Variants in PYGB observed in about 807,000 individuals in gnomAD.
The protein encoded by PYGB is glycogen phosphorylase B.
Under a neutral mutation model 94.3 loss-of-function variants are expected in PYGB, and 82 were observed. The observed-to-expected ratio is 0.87, with a 90% CI of 0.73 to 1.04. The LOEUF (loss-of-function observed/expected upper bound fraction) is 1.04, where lower values mean the gene tolerates loss of function less well. Ranked by LOEUF, PYGB falls within the 50% of genes least tolerant of loss-of-function variation. PYGB has a pLI of 0.00. For missense variants in PYGB, 1,132 were observed against 1,158.2 expected (o/e 0.98, Z 0.33); for synonymous variants, 488 against 479.1 (o/e 1.02, Z -0.24).
intron 2 of PYGB, among the ~76,000 whole-genome samples, chr20:25,266,297 A>C (rs1356971570): frequency 1.3e-5 from 2 of 152,052 alleles, no homozygotes; most frequent in Non-Finnish European, 2.9e-5. Flanking sequence ...AATTCAGTGG[A>C]GAACGATGTC....
At chr20:25,255,834 GGC>G (rs1382278539) in intron 1 of PYGB, among the ~76,000 whole-genome samples, 2 of 151,874 alleles carry the variant, frequency 1.3e-5, no homozygotes, top group Admixed American at 1.3e-4. Flanking sequence ...CCCGGGTTCA[GGC>G]GATTCTCCTG....
At chr20:25,268,168 C>CCCG (rs1555806077) in intron 2 of PYGB, among the ~76,000 whole-genome samples, 2 of 97,764 alleles carry the variant, frequency 2.0e-5, no homozygotes, top group African/African-American at 3.7e-5. Context: ...CCCGCCCCCC[C>CCCG]CCCATATCCA....
intron 1 of PYGB, among the ~76,000 whole-genome samples, chr20:25,250,197 C>T (rs1390039098): frequency 6.6e-6 from 1 of 152,338 alleles, no homozygotes; most frequent in East Asian, 1.9e-4. Flanking sequence ...GGACATAGCT[C>T]TGCCTTCACA....
chr20:25,267,053 T>G (rs1433795337), intron 2 of PYGB, among the ~76,000 whole-genome samples: 1 of 152,224 alleles, frequency 6.6e-6, no homozygotes, highest in East Asian at 1.9e-4. Context: ...CACAGCAGCA[T>G]TATTCATAAC....
At chr20:25,284,507 C>T (rs2088400490) in intron 14 of PYGB, among the ~76,000 whole-genome samples, 1 of 152,236 alleles carries the variant, frequency 6.6e-6, no homozygotes, top group Admixed American at 6.5e-5. Context: ...CATCACGGCT[C>T]ACTGCAGTCT....
intron 5 of PYGB, among the ~76,000 whole-genome samples, chr20:25,275,891 GGTGCGCCGCCTGT>G (rs1568690970): frequency 6.6e-6 from 1 of 152,224 alleles, no homozygotes; most frequent in African/African-American, 2.4e-5. Context: ...TGGTGGCCCC[GGTGCGCCGCCTGT>G]GTGGCTGTCA....
intron 2 of PYGB, among the ~76,000 whole-genome samples, chr20:25,267,348 G>T (rs1403078931): frequency 6.6e-6 from 1 of 152,188 alleles, no homozygotes; most frequent in Admixed American, 6.5e-5. Flanking sequence ...TGATGGTTTG[G>T]AATTAGTGGT....
chr20:25,280,141 A>C, intron 9 of PYGB, 125 bp from the exon 10 acceptor site: 1 of 1,166,752 alleles, frequency 8.6e-7, no homozygotes, highest in Non-Finnish European at 1.2e-6. Flanking sequence ...AGCAGAGGGG[A>C]CGGTGGCCCT....
At chr20:25,293,868 G>A (rs755916816) in intron 17 of PYGB, 29 of 447,058 alleles carry the variant, frequency 6.5e-5, no homozygotes, top group Non-Finnish European at 1.1e-4. Context: ...CACTAGGAAT[G>A]TGGCATCAGC....
rs1348663172 is a variant in PYGB, at chr20:25,249,718, CAT to C, written c.243+1299_243+1300del. ...GGCTCTTCATATTTGGTATGCAAAA[CAT>C]AGAAGTGGCAACGAATGGCCAAAAC... is the stretch of plus-strand genomic sequence containing the variant. On this transcript the variant is annotated intron_variant, in intron 1 of 19. Coordinates refer to ENST00000216962, the MANE Select transcript of PYGB (RefSeq NM_002862.4). Among the ~76,000 whole-genome samples the C allele has an allele frequency of 3.3e-5, 5 of 152,306 alleles. No individual in the cohort carries two copies. In the East Asian group the frequency reaches 9.7e-4, roughly 29 times the overall value.
At chr20:25,277,208 G>A in intron 6 of PYGB, 36 bp from the exon 7 acceptor site, 2 of 1,492,002 alleles carry the variant, frequency 1.3e-6, no homozygotes. Context: ...GTGCCAGGAG[G>A]CATGTGTGTG....
chr20:25,252,916 C>CTGGT (rs1337021620), intron 1 of PYGB, among the ~76,000 whole-genome samples: 1 of 152,068 alleles, frequency 6.6e-6, no homozygotes. Context: ...CTAATTAGAG[C>CTGGT]TGGTTCCCCT....
chr20:25,277,098 G>T (rs1269769158), intron 6 of PYGB, 146 bp from the exon 7 acceptor site: 2 of 666,870 alleles, frequency 3.0e-6, no homozygotes, highest in Non-Finnish European at 5.4e-6. Context: ...TACCTCCAGG[G>T]ATGGGGGTGA....
At chr20:25,292,259 C>CGGGAGTGGGAGCGCA (rs55769542) in intron 16 of PYGB, 147 bp from the exon 17 acceptor site, 1 of 840,480 alleles carries the variant, frequency 1.2e-6, no homozygotes, top group African/African-American at 1.7e-5. Context: ...CCTGTGGGAG[C>CGGGAGTGGGAGCGCA]GGGAGTGGGG....
At chr20:25,259,035 TGAG>T (rs2123520608) in intron 1 of PYGB, among the ~76,000 whole-genome samples, 199 bp from the exon 2 acceptor site, 1 of 152,304 alleles carries the variant, frequency 6.6e-6, no homozygotes, top group East Asian at 1.9e-4. Context: ...AAGGCCGTGT[TGAG>T]GAGGGGTCTC....
At chr20:25,278,140 C>T (rs2088330155) in intron 7 of PYGB, among the ~76,000 whole-genome samples, 179 bp from the exon 8 acceptor site, 1 of 152,376 alleles carries the variant, frequency 6.6e-6, no homozygotes, top group South Asian at 2.1e-4. Context: ...GTGTGTCCCA[C>T]AGGCGGGGTT....
rs2092875922 is a variant in PYGB, at chr20:25,248,159, C to T, written c.-20C>T. On this transcript the variant is annotated 5_prime_UTR_variant, in exon 1 of 20. Coordinates refer to ENST00000216962, the MANE Select transcript of PYGB (RefSeq NM_002862.4). ...GCCGCTTTCCTCCTCCATCTCTTTT[C>T]CTCCGCCTCCGCCGGCGCGATGGCG... 6.3e-7 allele frequency: 1 copy of T among 1,578,568 alleles called. No individual in the cohort carries two copies. The highest frequency in any genetic ancestry group is 8.6e-7 in the Non-Finnish European group (1 of 1,163,308).
At position 25,290,241 on chromosome 20, in the gene PYGB, C is replaced by T. The variant is rs1226868187; in HGVS notation, c.1828-240C>T. On this transcript the variant is annotated intron_variant, in intron 15 of 19. Coordinates refer to ENST00000216962, the MANE Select transcript of PYGB (RefSeq NM_002862.4). Reference sequence around the variant, plus strand: ...TAATTTCTGAAAACCTAACAACAACCAGAAAACCAGACTTGAGGCGGACAC... The same window carrying T: ...TAATTTCTGAAAACCTAACAACAACTAGAAAACCAGACTTGAGGCGGACAC... 2.0e-5 allele frequency among the ~76,000 whole-genome samples: 3 copies of T among 152,210 alleles called. No homozygotes were observed. The East Asian group carries it at 5.8e-4, about 29-fold the overall frequency.
At chr20:25,251,092 C>T (rs1026618073) in intron 1 of PYGB, 2 of 152,230 alleles carry the variant, frequency 1.3e-5, no homozygotes, top group Non-Finnish European at 2.9e-5. Context: ...ATTTGTCAAG[C>T]TTTGCCATGC....
Sources: allele counts gnomAD v4.1 joint callset (sites outside exome capture counted in the v4.1 genomes callset), GRCh38; gene constraint gnomAD v4.1.1; transcripts MANE v1.5; gene names NCBI Gene and HGNC (gene_info 2026-07-23, HGNC 2026-07-21).